The following PCDHAC1 variants were observed in gnomAD, a reference collection of about 807,000 sequenced individuals.
PCDHAC1 encodes protocadherin alpha subfamily C, 1, also known as protocadherin alpha-C1.
Under a neutral mutation model 60.0 loss-of-function variants are expected in PCDHAC1, and 42 were observed. The ratio of observed to expected loss-of-function variants is 0.70; its 90% CI spans 0.55 to 0.90. PCDHAC1 has a LOEUF of 0.90. PCDHAC1 is among the 40% of genes least tolerant of loss of function. The probability of loss-of-function intolerance (pLI) is 0.00; values close to 1 mark genes in which losing one functional copy is unlikely to be tolerated. For synonymous variants in PCDHAC1, 468 were observed against 499.3 expected (o/e 0.94, Z 0.84); for missense variants, 1,160 against 1,222.3 (o/e 0.95, Z 0.76).
chr5:140,939,195 C>T (rs1554212604), intron 1 of PCDHAC1, among the ~76,000 whole-genome samples: 1 of 152,122 alleles, frequency 6.6e-6, no homozygotes, highest in East Asian at 1.9e-4. Flanking sequence ...GTTCATAAAA[C>T]AGAATGTCAC....
At chr5:140,974,808 G>A (rs1229375180) in intron 1 of PCDHAC1, among the ~76,000 whole-genome samples, 1 of 152,090 alleles carries the variant, frequency 6.6e-6, no homozygotes, top group Non-Finnish European at 1.5e-5. Context: ...TATACTAGAA[G>A]ACCAATATGC....
intron 1 of PCDHAC1, among the ~76,000 whole-genome samples, chr5:140,930,708 C>T (rs1554208021): frequency 2.0e-5 from 3 of 152,088 alleles, no homozygotes; most frequent in Admixed American, 2.0e-4. Flanking sequence ...AGTTATTCTT[C>T]CTCAAGTAAT....
chr5:140,954,885 T>C (rs1291095041), intron 1 of PCDHAC1, among the ~76,000 whole-genome samples: 1 of 152,218 alleles, frequency 6.6e-6, no homozygotes, highest in Non-Finnish European at 1.5e-5. Context: ...GCTTTTCTTC[T>C]AGGGTTTTTA....
chr5:140,989,534 A>G (rs1201139003), intron 3 of PCDHAC1, among the ~76,000 whole-genome samples: 1 of 152,184 alleles, frequency 6.6e-6, no homozygotes, highest in African/African-American at 2.4e-5. Flanking sequence ...GGAGGAAGAT[A>G]GTTTGTAATT....
intron 1 of PCDHAC1, chr5:140,966,480 TC>T: frequency 2.3e-6 from 1 of 431,902 alleles, no homozygotes; most frequent in Admixed American, 4.4e-5. Flanking sequence ...TGTTTCCTTT[TC>T]CCTCCCCCTG....
rs1364728842 is a variant in PCDHAC1, at chr5:140,928,909, C to T, written c.2017C>T (p.Pro673Ser). ...LLPDFEDVWE[P>S]GGQLSAQNLY... ...TCCAGACTTTGAAGATGTCTGGGAA[C>T]CAGGAGGGCAGCTTTCTGCCCAGAA... The change falls in exon 1 of 4, where the codon CCA becomes TCA. Residue 673 changes from proline to serine, a missense_variant. Transcript: ENST00000253807. 26 of 1,614,034 alleles carry T rather than the reference C, an allele frequency of 1.6e-5. No homozygotes were observed. The highest frequency in any genetic ancestry group is 2.1e-5 in the Non-Finnish European group (25 of 1,180,042).
chr5:140,946,631 T>TATATATATATATATATATATACAC lies in PCDHAC1; in HGVS notation c.2433+17307_2433+17308insTATATATATATATATATATACACA, dbSNP rs57893927. Among the ~76,000 whole-genome samples, 100 of 131,838 alleles carry TATATATATATATATATATATACAC rather than the reference T, an allele frequency of 7.6e-4. 3 individuals carry two copies. Among genetic ancestry groups the TATATATATATATATATATATACAC allele is most frequent in the African/African-American group, 2.6e-3 (76 of 28,714 alleles). The allele number at this position is 131,838 out of a possible 152,430, so 86.5% of individuals were successfully genotyped here. A position where few individuals can be genotyped will look rare whatever the true frequency, so the allele number is the denominator to read the frequency against. On this transcript the variant is annotated intron_variant, in intron 1 of 3. Transcript: ENST00000253807. ...TGTGAAATATATATATATATATATA[T>TATATATATATATATATATATACAC]ACAATGGAATACTCATCAGCCATTA...
intron 1 of PCDHAC1, among the ~76,000 whole-genome samples, chr5:140,974,980 G>A (rs149148015): frequency 2.4e-4 from 36 of 152,208 alleles, no homozygotes; most frequent in Non-Finnish European, 5.0e-4. Context: ...TGAGTTGTCC[G>A]CTCAGGTATT....
At chr5:140,979,086 G>A in intron 2 of PCDHAC1, 79 bp downstream of exon 2, 3 of 1,561,050 alleles carry the variant, frequency 1.9e-6, no homozygotes, top group South Asian at 2.4e-5. Flanking sequence ...CCATAGGCCA[G>A]AAGCAGCTGT....
Position 140,927,505 on chromosome 5 carries a change from G to T in PCDHAC1, c.613G>T (p.Ala205Ser), listed in dbSNP as rs782722913. ...CGCCACCCACCTGCTGGTGCTTACA[G>T]CTCGGGACGGCGGGCTACCTGCCCG... ...QRATHLLVLTARDGGLPARSG... is the reference protein window; with the variant it reads ...QRATHLLVLTSRDGGLPARSG... The change falls in exon 1 of 4, where the codon GCT (alanine) becomes TCT (serine). Residue 205 changes from alanine to serine, a missense_variant. By Grantham distance (99) the Ala-to-Ser change is moderately conservative. Transcript: ENST00000253807. The T allele has an allele frequency of 6.2e-7, 1 of 1,614,120 alleles. No individual in the cohort carries two copies. The highest frequency in any genetic ancestry group is 2.2e-5 in the East Asian group (1 of 44,878).
intron 1 of PCDHAC1, among the ~76,000 whole-genome samples, chr5:140,931,177 A>G (rs1288307941): frequency 1.3e-5 from 2 of 152,200 alleles, no homozygotes; most frequent in African/African-American, 4.8e-5. Context: ...ATTTTAGGGA[A>G]GGAAATTGGT....
intron 1 of PCDHAC1, among the ~76,000 whole-genome samples, chr5:140,970,414 A>G (rs2096403953): frequency 6.6e-6 from 1 of 152,224 alleles, no homozygotes; most frequent in South Asian, 2.1e-4. Context: ...CCCTACAGTA[A>G]GGTGTAGAGG....
chr5:141,010,697 C>T lies in PCDHAC1; in HGVS notation c.*760C>T, dbSNP rs1163164861. The T allele has an allele frequency of 6.3e-6, 1 of 158,698 alleles. No homozygotes were observed. 9.8% of individuals were successfully genotyped at this position (158,698 alleles called of 1,614,324 possible). A position where few individuals can be genotyped will look rare whatever the true frequency, so the allele number is the denominator to read the frequency against. On this transcript the variant is annotated 3_prime_UTR_variant, in exon 4 of 4. Coordinates refer to ENST00000253807, the MANE Select transcript of PCDHAC1 (RefSeq NM_018898.5). ...AACAGAAGCAGATCTGATGTGTTTCCTATACATGTCCTGTGCTCACTTTAT... is the reference window on the plus strand; with the variant it reads ...AACAGAAGCAGATCTGATGTGTTTCTTATACATGTCCTGTGCTCACTTTAT...
At chr5:140,984,597 T>TA (rs1554246418) in intron 3 of PCDHAC1, among the ~76,000 whole-genome samples, 1 of 152,182 alleles carries the variant, frequency 6.6e-6, no homozygotes, top group East Asian at 1.9e-4. Flanking sequence ...TTTCAATACA[T>TA]ACCTCTGCAT....
At chr5:140,960,440 T>C (rs1304890095) in intron 1 of PCDHAC1, among the ~76,000 whole-genome samples, 1 of 152,164 alleles carries the variant, frequency 6.6e-6, no homozygotes, top group Admixed American at 6.5e-5. Flanking sequence ...ACTCTAGATA[T>C]ATGTATGGAT....
chr5:140,943,742 T>C (rs1326111617), intron 1 of PCDHAC1, among the ~76,000 whole-genome samples: 2 of 152,200 alleles, frequency 1.3e-5, no homozygotes, highest in Non-Finnish European at 2.9e-5. Context: ...GTCCACAGTC[T>C]AAAAGCAGTA....
intron 1 of PCDHAC1, chr5:140,967,908 A>T (rs554849478): frequency 6.2e-7 from 1 of 1,614,138 alleles, no homozygotes; most frequent in Non-Finnish European, 8.5e-7. Context: ...GCTACACCCA[A>T]CACCATTGTG....
At chr5:140,942,992 C>T (rs782446748) in intron 1 of PCDHAC1, among the ~76,000 whole-genome samples, 3 of 152,006 alleles carry the variant, frequency 2.0e-5, no homozygotes, top group South Asian at 2.1e-4. Flanking sequence ...TGTGGTGGCT[C>T]ATGCCTGTAA....
chr5:141,009,372 T>C (rs1026606654), intron 3 of PCDHAC1, among the ~76,000 whole-genome samples: 3 of 152,152 alleles, frequency 2.0e-5, no homozygotes, highest in Non-Finnish European at 1.5e-5. Context: ...GATGGGAGGA[T>C]TGATTGAGCA....
Sources: allele counts gnomAD v4.1 joint callset (sites outside exome capture counted in the v4.1 genomes callset), GRCh38; gene constraint gnomAD v4.1.1; transcripts MANE v1.5; gene names NCBI Gene and HGNC (gene_info 2026-07-23, HGNC 2026-07-21).